MAPRE3: variants seen among roughly 807,000 people sequenced by gnomAD.
MAPRE3 encodes the protein microtubule associated protein RP/EB family member 3.
Under a neutral mutation model 30.5 loss-of-function variants are expected in MAPRE3, and 2 were observed. The observed-to-expected ratio is 0.07, with a 90% CI of 0.03 to 0.21. The LOEUF is 0.21. Among genes scored for constraint, MAPRE3 ranks in the 10% least tolerant of loss-of-function variants. MAPRE3 has a pLI of 1.00. For missense variants in MAPRE3, 204 were observed against 351.8 expected (o/e 0.58, Z 3.36); for synonymous variants, 110 against 127.7 (o/e 0.86, Z 0.93).
intron 1 of MAPRE3, among the ~76,000 whole-genome samples, chr2:26,999,840 A>AT (rs546608085): frequency 1.5e-4 from 22 of 151,204 alleles, no homozygotes; most frequent in African/African-American, 3.9e-4. Flanking sequence ...CATCTCATAG[A>AT]TTTTTTTTTG....
intron 2 of MAPRE3, chr2:27,022,565 G>C: frequency 1.9e-6 from 1 of 527,232 alleles, no homozygotes. Context: ...ATATGGTATA[G>C]CCTACTACTC....
At chr2:26,981,565 C>G (rs1027878584) in intron 1 of MAPRE3, among the ~76,000 whole-genome samples, 2 of 152,198 alleles carry the variant, frequency 1.3e-5, no homozygotes, top group Non-Finnish European at 2.9e-5. Context: ...GTTTCTAACA[C>G]AGACGTGTAA....
intron 1 of MAPRE3, among the ~76,000 whole-genome samples, chr2:26,974,902 G>A (rs766176918): frequency 1.3e-5 from 2 of 152,086 alleles, no homozygotes; most frequent in Non-Finnish European, 2.9e-5. Flanking sequence ...AAATTGTTTC[G>A]TGATTTAGGT....
chr2:26,996,421 G>A (rs150607125), intron 1 of MAPRE3, among the ~76,000 whole-genome samples: 63 of 152,174 alleles, frequency 4.1e-4, no homozygotes, highest in Middle Eastern at 6.8e-3. Context: ...CTCCCAAAGT[G>A]CTGGGATTAC....
At chr2:27,024,989 C>T (rs779742569) in intron 4 of MAPRE3, among the ~76,000 whole-genome samples, 7 of 152,122 alleles carry the variant, frequency 4.6e-5, no homozygotes, top group Non-Finnish European at 1.0e-4. Flanking sequence ...AGAAGCAGCC[C>T]GCTCTGTCTA....
intron 1 of MAPRE3, chr2:27,003,107 T>A (rs1463082628): frequency 6.6e-6 from 1 of 152,394 alleles, no homozygotes; most frequent in Non-Finnish European, 1.5e-5. Context: ...ATCAACACTC[T>A]ATGAAGTAAT....
chr2:27,014,484 G>A, intron 1 of MAPRE3: 1 of 152,384 alleles, frequency 6.6e-6, no homozygotes, highest in Non-Finnish European at 1.5e-5. Context: ...AAATCCTGGA[G>A]GAGTTTCAGT....
rs370914523 is a variant in MAPRE3 at position 27,006,952 on chromosome 2, G to A, written c.-7-15260G>A. On this transcript the variant is annotated intron_variant, in intron 1 of 6. Transcript: ENST00000233121. ...CATGGGAAGAAACCAATGGTGTAAG[G>A]TTTGTTTACAGATTCCTCTGGTGCT... is the stretch of plus-strand genomic sequence containing the variant. Among the ~76,000 whole-genome samples, 203 of 152,294 alleles carry A rather than the reference G, an allele frequency of 1.3e-3. 4 individuals carry two copies. In the South Asian group the frequency reaches 0.042, roughly 32 times the overall value.
At chr2:26,995,304 A>G (rs1666428140) in intron 1 of MAPRE3, among the ~76,000 whole-genome samples, 1 of 152,228 alleles carries the variant, frequency 6.6e-6, no homozygotes, top group African/African-American at 2.4e-5. Flanking sequence ...GTTTTGCTGC[A>G]GTCCTATTTT....
At chr2:27,022,184 T>C in intron 1 of MAPRE3, 28 bp from the exon 2 acceptor site, 1 of 1,610,676 alleles carries the variant, frequency 6.2e-7, no homozygotes, top group Non-Finnish European at 8.5e-7. Context: ...GCCCCAGTGC[T>C]GACCTCACCT....
intron 4 of MAPRE3, 55 bp downstream of exon 4, chr2:27,024,352 A>T (rs1014317356): frequency 6.5e-7 from 1 of 1,544,206 alleles, no homozygotes; most frequent in Admixed American, 1.9e-5. Context: ...GCAGGCCTCT[A>T]TAGCCAGGAG....
intron 1 of MAPRE3, chr2:26,984,821 G>C (rs1666187991): frequency 6.6e-6 from 1 of 152,220 alleles, no homozygotes; most frequent in Non-Finnish European, 1.5e-5. Context: ...TCAAGTTCCA[G>C]TGTAAATTAC....
chr2:27,005,834 G>A (rs751903327), intron 1 of MAPRE3, among the ~76,000 whole-genome samples: 1 of 152,202 alleles, frequency 6.6e-6, no homozygotes, highest in Non-Finnish European at 1.5e-5. Flanking sequence ...TTTTCAGTGA[G>A]CAACAAATAT....
chr2:26,982,171 T>A (rs921018313), intron 1 of MAPRE3, among the ~76,000 whole-genome samples: 1 of 152,160 alleles, frequency 6.6e-6, no homozygotes, highest in Non-Finnish European at 1.5e-5. Flanking sequence ...CCCCTCTCTT[T>A]CTCATGTCCT....
chr2:26,976,446 A>C (rs1245713639), intron 1 of MAPRE3, among the ~76,000 whole-genome samples: 1 of 152,156 alleles, frequency 6.6e-6, no homozygotes, highest in Non-Finnish European at 1.5e-5. Context: ...CAAGAGTACA[A>C]TTTCGTGTGA....
chr2:27,025,650 C>G lies in MAPRE3; in HGVS notation c.537C>G (p.Ala179=), dbSNP rs180762184. The change falls in exon 5 of 7, where the codon GCC becomes GCG. Residue 179 remains alanine, a synonymous_variant. Coordinates refer to ENST00000233121, the MANE Select transcript of MAPRE3 (RefSeq NM_012326.4). ...CCTCTGGCCGGCTGAGCAATGTGGCCCCCCCCTGCATTCTCCGGAAGAATC... is the reference window on the plus strand; with the variant it reads ...CCTCTGGCCGGCTGAGCAATGTGGCGCCCCCCTGCATTCTCCGGAAGAATC... The part of the protein sequence containing the change: ...MQTSGRLSNV[A]PPCILRKNPP... 543 of 1,610,828 alleles carry G rather than the reference C, an allele frequency of 3.4e-4. 5 individuals carry two copies. In the South Asian group the frequency reaches 5.6e-3, roughly 17 times the overall value.
intron 1 of MAPRE3, chr2:27,012,217 A>AAAG (rs68015235): frequency 0.92 from 134,517 of 146,108 alleles, 62,408 homozygotes; most frequent in East Asian, 1. Context: ...AAAAAAAAAA[A>AAAG]AAGAAGAAGA....
At chr2:27,001,342 G>A (rs924124430) in intron 1 of MAPRE3, among the ~76,000 whole-genome samples, 12 of 152,280 alleles carry the variant, frequency 7.9e-5, no homozygotes, top group East Asian at 3.9e-4. Flanking sequence ...GTTAGTATTT[G>A]GGTATCTAAA....
At chr2:27,018,176 C>T (rs968298888) in intron 1 of MAPRE3, among the ~76,000 whole-genome samples, 2 of 152,200 alleles carry the variant, frequency 1.3e-5, no homozygotes, top group Non-Finnish European at 2.9e-5. Flanking sequence ...CAGGGCCAAC[C>T]TAAGACTACT....
Sources: gnomAD v4.1 joint callset for allele counts (sites outside exome capture counted in the v4.1 genomes callset) on GRCh38, gnomAD v4.1.1 for gene constraint, MANE v1.5 for transcripts, NCBI Gene and HGNC (gene_info 2026-07-23, HGNC 2026-07-21) for gene names.